TSC2: variants seen among roughly 807,000 people sequenced by gnomAD.
The protein encoded by TSC2 is tuberin.
In TSC2, 29 loss-of-function variants were observed where a neutral mutation model predicts 202.2. The ratio of observed to expected loss-of-function variants is 0.14; its 90% CI spans 0.11 to 0.20. TSC2 has a LOEUF of 0.20. Ranked by LOEUF, TSC2 falls within the 10% of genes least tolerant of loss-of-function variation. The probability of loss-of-function intolerance (pLI) is 1.00; values close to 1 mark genes in which losing one functional copy is unlikely to be tolerated. For synonymous variants in TSC2, 1,349 were observed against 1,044.0 expected (o/e 1.29, Z -5.63); for missense variants, 2,429 against 2,420.0 (o/e 1.00, Z -0.08).
At position 2,075,869 on chromosome 16, in the gene TSC2, C is replaced by T. The variant is rs779843919; in HGVS notation, c.2616C>T (p.Ser872=). 41 of 1,613,200 alleles carry T rather than the reference C, an allele frequency of 2.5e-5. No homozygotes were observed. The highest frequency in any genetic ancestry group is 3.3e-5 in the Non-Finnish European group (39 of 1,180,006). The stretch of plus-strand genomic sequence containing the variant: ...AGTATGCCAGTGTGTTCGCCATCTC[C>T]CTGCCGTACACCAACCCCTCCAAGT... The part of the protein sequence containing the change: ...AEQYASVFAI[S]LPYTNPSKFN... Residue 872 remains serine (S), a synonymous_variant, in exon 23 of 42, where the codon TCC becomes TCT. Transcript: ENST00000219476.
At chr16:2,053,100 T>C (rs1221450089) in intron 3 of TSC2, among the ~76,000 whole-genome samples, 1 of 152,174 alleles carries the variant, frequency 6.6e-6, no homozygotes, top group Admixed American at 6.5e-5. Flanking sequence ...CCCCAGTCTG[T>C]CACCTGGTGG....
intron 19 of TSC2, 117 bp downstream of exon 19, chr16:2,072,051 G>C: frequency 6.8e-7 from 1 of 1,481,088 alleles, no homozygotes; most frequent in Non-Finnish European, 9.0e-7. Context: ...CCCTCCCTCA[G>C]AGCTGAGCCT....
chr16:2,080,597 C>G, intron 30 of TSC2: 1 of 583,476 alleles, frequency 1.7e-6, no homozygotes, highest in South Asian at 2.0e-5. Context: ...CATTCTCCTG[C>G]CTCAGCCTCC....
rs2151510679 is a variant in TSC2, at chr16:2,083,717, G to A, written c.3906G>A (p.Glu1302=). The change falls in exon 33 of 42, where the codon GAG becomes GAA. Residue 1302 remains glutamate, a synonymous_variant. Coordinates refer to ENST00000219476, the MANE Select transcript of TSC2 (RefSeq NM_000548.5). The part of the protein sequence containing the change: ...SWADSAVVME[E]GSPGEVPVLV... Reference sequence around the variant, plus strand: ...CAGACTCCGCCGTGGTCATGGAGGAGGGAAGTCCGGGCGAGGTTCCTGTGC... The same window carrying A: ...CAGACTCCGCCGTGGTCATGGAGGAAGGAAGTCCGGGCGAGGTTCCTGTGC... The A allele has an allele frequency of 6.3e-7, 1 of 1,593,746 alleles. No homozygotes were observed. Among genetic ancestry groups the A allele is most frequent in the Non-Finnish European group, 8.5e-7 (1 of 1,171,402 alleles).
At position 2,087,853 on chromosome 16, in the gene TSC2, G is replaced by A. The variant is rs751012275; in HGVS notation, c.4990-10G>A. The A allele has an allele frequency of 2.5e-6, 4 of 1,612,438 alleles. No individual in the cohort carries two copies. The highest frequency in any genetic ancestry group is 3.3e-5 in the Admixed American group (2 of 59,992). On this transcript the variant is annotated splice_polypyrimidine_tract_variant and intron_variant, in intron 38 of 41. Transcript: ENST00000219476. ...GTGTGCGGGGATGACCCTTTCTCTTGTCCGGGCAGGGCCAGTTCAACTTTG... is the reference window on the plus strand; with the variant it reads ...GTGTGCGGGGATGACCCTTTCTCTTATCCGGGCAGGGCCAGTTCAACTTTG...
At chr16:2,058,696 C>T (rs1231611212) in intron 9 of TSC2, 51 bp from the exon 10 acceptor site, 1 of 1,552,616 alleles carries the variant, frequency 6.4e-7, no homozygotes, top group Admixed American at 1.9e-5. Flanking sequence ...CCATGGCGGA[C>T]CCTGGGACAG....
chr16:2,055,742 T>G lies in TSC2; in HGVS notation c.599+223T>G, dbSNP rs562425589. On this transcript the variant is annotated intron_variant, in intron 6 of 41. Coordinates refer to ENST00000219476, the MANE Select transcript of TSC2 (RefSeq NM_000548.5). ...CCTGTCTCTACTAAAAATACAAAAA[T>G]TAGCCGGGCATGGTGGTGGGAGCCT... 1.6e-5 allele frequency: 8 copies of G among 507,628 alleles called. No individual in the cohort carries two copies. In the East Asian group the frequency reaches 3.0e-4, roughly 19 times the overall value. 31.4% of individuals were successfully genotyped at this position (507,628 alleles called of 1,614,324 possible).
rs1555505825 is a variant in TSC2 at position 2,071,593 on chromosome 16, C to T, written c.1923C>T (p.Ser641=). ...LPNKDGVVRF[S]PYCVCDYMEP... Reference sequence around the variant, plus strand: ...ACAAGGATGGAGTCGTGCGGTTCAGCCCCTACTGCGTCTGCGACTACATGT... The same window carrying T: ...ACAAGGATGGAGTCGTGCGGTTCAGTCCCTACTGCGTCTGCGACTACATGT... Residue 641 remains serine, a synonymous_variant, in exon 18 of 42, where the codon AGC becomes AGT. Coordinates refer to ENST00000219476, the MANE Select transcript of TSC2 (RefSeq NM_000548.5). 7 of 1,613,446 alleles carry T rather than the reference C, an allele frequency of 4.3e-6. No homozygotes were observed. The highest frequency in any genetic ancestry group is 5.9e-6 in the Non-Finnish European group (7 of 1,180,038).
Position 2,072,352 on chromosome 16 carries a change from C to T in TSC2, c.2209C>T (p.Leu737Phe), listed in dbSNP as rs1485034650. Residue 737 changes from leucine (L) to phenylalanine (F), a missense_variant, in exon 20 of 42, where the codon CTC (leucine) becomes TTC (phenylalanine). Transcript: ENST00000219476. Reference protein sequence around the residue: ...PCSVDQLCSALCSMLSGPKTL... With the variant: ...PCSVDQLCSAFCSMLSGPKTL... Reference sequence around the variant, plus strand: ...CAGTGTGGACCAGCTGTGCTCTGCTCTCTGCTCCATGGTACCATGGCCGGC... The same window carrying T: ...CAGTGTGGACCAGCTGTGCTCTGCTTTCTGCTCCATGGTACCATGGCCGGC... 2 of 1,614,110 alleles carry T rather than the reference C, an allele frequency of 1.2e-6. No individual in the cohort carries two copies. Among genetic ancestry groups the T allele is most frequent in the South Asian group, 1.1e-5 (1 of 91,088 alleles).
rs1358186613 is a variant in TSC2, at chr16:2,088,055, G to A, written c.5076G>A (p.Glu1692=). The change falls in exon 40 of 42, where the codon GAG becomes GAA. Residue 1692 remains glutamate (E), a synonymous_variant. Coordinates refer to ENST00000219476, the MANE Select transcript of TSC2 (RefSeq NM_000548.5). ...LVSLQCRKDM[E]GLVDTSVAKI... Reference sequence around the variant, plus strand: ...ACCACCAAGTCTCCCCAGACATGGAGGGCCTTGTGGACACCAGCGTGGCCA... The same window carrying A: ...ACCACCAAGTCTCCCCAGACATGGAAGGCCTTGTGGACACCAGCGTGGCCA... The A allele has an allele frequency of 6.2e-7, 1 of 1,612,600 alleles. No homozygotes were observed. Among genetic ancestry groups the A allele is most frequent in the African/African-American group, 1.3e-5 (1 of 74,960 alleles).
chr16:2,076,303 G>T (rs373131268), intron 24 of TSC2, 133 bp downstream of exon 24: 5 of 1,560,812 alleles, frequency 3.2e-6, no homozygotes, highest in East Asian at 2.4e-5. Context: ...TGCCTGTGGC[G>T]CTGGGGGCTC....
rs876658578 is a variant in TSC2 at position 2,071,875 on chromosome 16, C to G, written c.2038C>G (p.Arg680Gly). ...CCCGGCGCCTGCAGGCCCCGCCGTG[C>G]GGCTGGGGTCCGTGCCCTACTCCCT... ...PGPAPAGPAV[R>G]LGSVPYSLLF... Residue 680 changes from arginine to glycine, a missense_variant, in exon 19 of 42, where the codon CGG becomes GGG. By Grantham distance (125) the Arg-to-Gly change is moderately radical. Transcript: ENST00000219476. The G allele has an allele frequency of 6.3e-7, 1 of 1,596,624 alleles. No individual in the cohort carries two copies. The highest frequency in any genetic ancestry group is 8.5e-7 in the Non-Finnish European group (1 of 1,172,236).
intron 17 of TSC2, 142 bp from the exon 18 acceptor site, chr16:2,071,368 T>G: frequency 2.6e-6 from 2 of 779,076 alleles, no homozygotes; most frequent in Non-Finnish European, 4.4e-6. Flanking sequence ...TGTGTCTGTG[T>G]TGGGATGTGG....
intron 16 of TSC2, among the ~76,000 whole-genome samples, chr16:2,067,931 A>G (rs1041394070): frequency 1.3e-5 from 2 of 152,280 alleles, no homozygotes; most frequent in East Asian, 3.9e-4. Context: ...GGAAGGAAAG[A>G]GGTTCTGTTG....
intron 22 of TSC2, chr16:2,074,912 C>T (rs1287374729): frequency 4.6e-6 from 1 of 218,806 alleles, no homozygotes; most frequent in Non-Finnish European, 9.3e-6. Flanking sequence ...TTGTTGATAA[C>T]CCTTTAGAAG....
intron 15 of TSC2, chr16:2,065,274 G>A (rs1369545081): frequency 1.7e-5 from 8 of 482,354 alleles, no homozygotes; most frequent in African/African-American, 7.8e-5. Flanking sequence ...TTAGCTGGGC[G>A]TGGTGGCGGG....
chr16:2,075,813 C>A lies in TSC2; in HGVS notation c.2560C>A (p.Pro854Thr). 1 of 1,612,814 alleles carries A rather than the reference C, an allele frequency of 6.2e-7. No homozygotes were observed. The highest frequency in any genetic ancestry group is 8.5e-7 in the Non-Finnish European group (1 of 1,179,986). Residue 854 changes from proline (P) to threonine (T), a missense_variant, in exon 23 of 42, where the codon CCG becomes ACG. Physicochemically the swap from Pro to Thr is conservative, Grantham distance 38. Coordinates refer to ENST00000219476, the MANE Select transcript of TSC2 (RefSeq NM_000548.5). Reference protein sequence around the residue: ...LEFLSTLARLPHLYRNFAAEQ... With the variant: ...LEFLSTLARLTHLYRNFAAEQ... ...CATTACCGCAGCTCTGGCCAGGCTG[C>A]CGCACCTCTACAGGAACTTTGCCGC...
rs2151444560 is a variant in TSC2, at chr16:2,079,568, G to T, written c.3296G>T (p.Gly1099Val). The change falls in exon 29 of 42, where the codon GGG becomes GTG. Residue 1099 changes from glycine to valine, a missense_variant. Transcript: ENST00000219476. The surrounding 1 kb of genome is among the most constrained non-coding windows in gnomAD (Gnocchi z 4.6). ...QSGPESSSSP[G>V]VHVRQTKEAP... ...GATTCTCTTCTCAGCTCCAGCCCCG[G>T]GGTGCATGTGAGACAGACCAAGGAG... 6.2e-7 allele frequency: 1 copy of T among 1,610,912 alleles called. No homozygotes were observed. Among genetic ancestry groups the T allele is most frequent in the Non-Finnish European group, 8.5e-7 (1 of 1,179,234 alleles).
chr16:2,068,219 T>C (rs1255672579), intron 16 of TSC2, among the ~76,000 whole-genome samples: 4 of 152,162 alleles, frequency 2.6e-5, no homozygotes, highest in African/African-American at 4.8e-5. Context: ...TTTGTATTTT[T>C]AGTAGTGACA....
Sources: allele counts gnomAD v4.1 joint callset (sites outside exome capture counted in the v4.1 genomes callset), GRCh38; gene constraint gnomAD v4.1.1; non-coding constraint Gnocchi (gnomAD v3.1); transcripts MANE v1.5; gene names NCBI Gene and HGNC (gene_info 2026-07-23, HGNC 2026-07-21).